The following KIF3B variants were observed in gnomAD, a reference collection of about 807,000 sequenced individuals.
KIF3B encodes the protein kinesin family member 3B, also known as kinesin-like protein KIF3B.
Under a neutral mutation model 74.3 loss-of-function variants are expected in KIF3B, and 38 were observed. That is an observed-to-expected ratio of 0.51 (90% confidence interval 0.39 to 0.67). The LOEUF (loss-of-function observed/expected upper bound fraction) is 0.67, where lower values mean the gene tolerates loss of function less well. Ranked by LOEUF, KIF3B falls within the 30% of genes least tolerant of loss-of-function variation. The pLI is 0.00. For synonymous variants in KIF3B, 326 were observed against 342.5 expected (o/e 0.95, Z 0.53); for missense variants, 649 against 932.0 (o/e 0.70, Z 3.95).
intron 1 of KIF3B, among the ~76,000 whole-genome samples, chr20:32,286,320 G>A (rs1005429553): frequency 6.6e-6 from 1 of 152,158 alleles, no homozygotes; most frequent in African/African-American, 2.4e-5. Context: ...CAGCTTAGCA[G>A]ACTACAGTAA....
chr20:32,285,169 A>G (rs1402676241), intron 1 of KIF3B, among the ~76,000 whole-genome samples: 1 of 151,900 alleles, frequency 6.6e-6, no homozygotes, highest in Non-Finnish European at 1.5e-5. Flanking sequence ...TCTGAGCTAG[A>G]TGGGTGTCAG....
chr20:32,296,065 G>A (rs1600420979), intron 1 of KIF3B, among the ~76,000 whole-genome samples: 2 of 151,330 alleles, frequency 1.3e-5, no homozygotes, highest in East Asian at 2.0e-4. Context: ...GGGTTTCACC[G>A]TGTTGGCCAG....
chr20:32,312,288 A>G (rs928592587), intron 2 of KIF3B, among the ~76,000 whole-genome samples: 4 of 151,734 alleles, frequency 2.6e-5, no homozygotes, highest in Admixed American at 1.3e-4. Flanking sequence ...AATTTTTTGT[A>G]GAGACATGGT....
intron 1 of KIF3B, among the ~76,000 whole-genome samples, chr20:32,278,070 C>G (rs536212203): frequency 2.6e-5 from 4 of 152,202 alleles, no homozygotes; most frequent in Non-Finnish European, 5.9e-5. Flanking sequence ...GGGGTCCGAA[C>G]CTCGGCGCTG....
intron 5 of KIF3B, among the ~76,000 whole-genome samples, chr20:32,322,993 C>T (rs370498370): frequency 8.4e-4 from 5 of 5,932 alleles, no homozygotes; most frequent in Admixed American, 4.5e-3. Flanking sequence ...TTTATATATA[C>T]ATATATTTAT....
chr20:32,330,125 G>A lies in KIF3B; in HGVS notation c.1969-16G>A. ...GTTGGAGGCTAACCTAGCTGGTGATGGCTGTGCTTCTGCAGGCAGAAAACA... is the reference window on the plus strand; with the variant it reads ...GTTGGAGGCTAACCTAGCTGGTGATAGCTGTGCTTCTGCAGGCAGAAAACA... On this transcript the variant is annotated splice_polypyrimidine_tract_variant and intron_variant, in intron 7 of 8. Transcript: ENST00000375712. 6.2e-7 allele frequency: 1 copy of A among 1,607,878 alleles called. No individual in the cohort carries two copies. Among genetic ancestry groups the A allele is most frequent in the Non-Finnish European group, 8.5e-7 (1 of 1,176,726 alleles).
intron 2 of KIF3B, among the ~76,000 whole-genome samples, chr20:32,315,582 G>A (rs182591761): frequency 6.6e-6 from 1 of 152,240 alleles, no homozygotes; most frequent in East Asian, 1.9e-4. Flanking sequence ...GTGTGGTGGT[G>A]TACACCTGTA....
chr20:32,330,941 A>AT (rs988780356), intron 8 of KIF3B, among the ~76,000 whole-genome samples: 12 of 152,192 alleles, frequency 7.9e-5, no homozygotes, highest in South Asian at 6.2e-4. Context: ...CAAACTTAAT[A>AT]TTTTTTTATC....
chr20:32,296,493 G>A (rs140649110), intron 1 of KIF3B, among the ~76,000 whole-genome samples: 465 of 152,104 alleles, frequency 3.1e-3, no homozygotes, highest in Non-Finnish European at 4.8e-3. Flanking sequence ...CCAGCTACTC[G>A]GGAGGCTGAG....
chr20:32,325,384 T>C (rs966625695), intron 5 of KIF3B, among the ~76,000 whole-genome samples: 5 of 152,000 alleles, frequency 3.3e-5, no homozygotes, highest in African/African-American at 7.2e-5. Context: ...GAGACAGGGT[T>C]TTGCCATGTT....
intron 8 of KIF3B, 93 bp from the exon 9 acceptor site, chr20:32,331,130 G>T: frequency 6.4e-5 from 56 of 870,230 alleles, no homozygotes; most frequent in Middle Eastern, 2.2e-4. Context: ...TCAGGCCATT[G>T]AAGAATGGCC....
At chr20:32,318,740 C>T (rs887605516) in intron 5 of KIF3B, among the ~76,000 whole-genome samples, 2 of 152,018 alleles carry the variant, frequency 1.3e-5, no homozygotes, top group African/African-American at 4.8e-5. Flanking sequence ...ATATACATTC[C>T]GATTATTTCT....
chr20:32,308,195 C>T (rs949393644), intron 1 of KIF3B, among the ~76,000 whole-genome samples: 2 of 152,058 alleles, frequency 1.3e-5, no homozygotes, highest in African/African-American at 4.8e-5. Context: ...AAGCTCACAC[C>T]ACTGCACTCC....
In KIF3B at chr20:32,316,777, G is replaced by A. The variant is rs745491129; in HGVS notation, c.1651G>A (p.Val551Met). The change falls in exon 5 of 9, where the codon GTG becomes ATG. Residue 551 changes from valine to methionine, a missense_variant. This residue lies in a region of KIF3B where 363 missense variants were observed against 592.8 expected (regional missense o/e 0.61). Transcript: ENST00000375712. ...CCAGCTCTTCTCCAAGCTTCAGGCA[G>A]TGAAGGCTGAGATCCATGACCTCCA... is the stretch of plus-strand genomic sequence containing the variant. ...LKKLFSKLQAVKAEIHDLQEE... is the reference protein window; with the variant it reads ...LKKLFSKLQAMKAEIHDLQEE... 1.9e-6 allele frequency: 3 copies of A among 1,614,108 alleles called. No homozygotes were observed. The highest frequency in any genetic ancestry group is 2.2e-5 in the South Asian group (2 of 91,080).
chr20:32,317,009 G>T, intron 5 of KIF3B, 135 bp downstream of exon 5: 2 of 674,980 alleles, frequency 3.0e-6, no homozygotes, highest in South Asian at 1.7e-5. Flanking sequence ...GCGGAGGCGG[G>T]CAGATCACCT....
chr20:32,297,979 G>A (rs535087019), intron 1 of KIF3B, among the ~76,000 whole-genome samples: 189 of 152,034 alleles, frequency 1.2e-3, no homozygotes, highest in Non-Finnish European at 2.2e-3. Flanking sequence ...GCAAGGTGGC[G>A]CATCCCTGCA....
chr20:32,327,552 C>T lies in KIF3B; in HGVS notation c.1863-4C>T. On this transcript the variant is annotated splice_region_variant and splice_polypyrimidine_tract_variant and intron_variant, in intron 6 of 8. Coordinates refer to ENST00000375712, the MANE Select transcript of KIF3B (RefSeq NM_004798.4). Reference sequence around the variant, plus strand: ...AGGGCTTTAACACTGCAGTTCATTTCCAGGAACCAGCAGATGATGAAGCGG... The same window carrying T: ...AGGGCTTTAACACTGCAGTTCATTTTCAGGAACCAGCAGATGATGAAGCGG... The T allele has an allele frequency of 6.2e-7, 1 of 1,611,856 alleles. No homozygotes were observed. The highest frequency in any genetic ancestry group is 2.2e-5 in the East Asian group (1 of 44,838).
At position 32,334,413 on chromosome 20, in the gene KIF3B, G is replaced by T. The variant is rs761654631; in HGVS notation, c.*3094G>T. On this transcript the variant is annotated 3_prime_UTR_variant, in exon 9 of 9. Transcript: ENST00000375712. Reference sequence around the variant, plus strand: ...GAGTGCTGCAACTGGGGCGTGGGCCGCTCTCTGCTTTTCCTGTCTGACTCT... The same window carrying T: ...GAGTGCTGCAACTGGGGCGTGGGCCTCTCTCTGCTTTTCCTGTCTGACTCT... The T allele has an allele frequency of 1.3e-5, 2 of 152,588 alleles. No individual in the cohort carries two copies. The highest frequency in any genetic ancestry group is 2.9e-5 in the Non-Finnish European group (2 of 68,056). The allele number at this position is 152,588 out of a possible 1,614,324, so 9.5% of individuals were successfully genotyped here. A position where few individuals can be genotyped will look rare whatever the true frequency, so the allele number is the denominator to read the frequency against.
At position 32,327,574 on chromosome 20, in the gene KIF3B, G is replaced by A. The variant is rs2047910105; in HGVS notation, c.1881G>A (p.Lys627=). The A allele has an allele frequency of 6.2e-7, 1 of 1,613,284 alleles. No individual in the cohort carries two copies. Among genetic ancestry groups the A allele is most frequent in the Admixed American group, 1.7e-5 (1 of 59,954 alleles). Residue 627 remains lysine, a synonymous_variant, in exon 7 of 9, where the codon AAG becomes AAA. Transcript: ENST00000375712. ...ITRLENQQMM[K]RPVSAVGYKR... ...TTTCCAGGAACCAGCAGATGATGAA[G>A]CGGCCAGTCTCAGCCGTGGGATATA...
Sources: allele counts gnomAD v4.1 joint callset (sites outside exome capture counted in the v4.1 genomes callset), GRCh38; gene constraint gnomAD v4.1.1; regional missense constraint gnomAD v4.1.1; transcripts MANE v1.5; gene names NCBI Gene and HGNC (gene_info 2026-07-23, HGNC 2026-07-21).